The following LIMK2 variants were observed in gnomAD, a reference collection of about 807,000 sequenced individuals.
The protein encoded by LIMK2 is LIM domain kinase 2.
In LIMK2, 35 loss-of-function variants were observed where a neutral mutation model predicts 75.7. The ratio of observed to expected loss-of-function variants is 0.46; its 90% CI spans 0.35 to 0.61. The LOEUF (loss-of-function observed/expected upper bound fraction) is 0.61, where lower values mean the gene tolerates loss of function less well. Ranked by LOEUF, LIMK2 falls within the 20% of genes least tolerant of loss-of-function variation. The pLI is 0.00. For synonymous variants in LIMK2, 301 were observed against 319.2 expected, an observed-to-expected ratio of 0.94 and a Z score of 0.61; for missense variants, 623 against 831.0, an observed-to-expected ratio of 0.75 and a Z score of 3.08.
chr22:31,240,841 A>G (rs548783204), intron 2 of LIMK2, among the ~76,000 whole-genome samples: 2 of 152,306 alleles, frequency 1.3e-5, no homozygotes, highest in East Asian at 1.9e-4. Context: ...GAAAGTCTCT[A>G]CTTAGCCAAG....
In LIMK2 at chr22:31,262,279, T is replaced by C. The variant is rs761645334; in HGVS notation, c.657+40T>C. 1 of 1,457,486 alleles carries C rather than the reference T, an allele frequency of 6.9e-7. No homozygotes were observed. Among genetic ancestry groups the C allele is most frequent in the South Asian group, 1.1e-5 (1 of 88,024 alleles). The allele number at this position is 1,457,486 out of a possible 1,614,324, so 90.3% of individuals were successfully genotyped here. On this transcript the variant is annotated intron_variant, in intron 6 of 15. Transcript: ENST00000331728. The surrounding 1 kb of genome is among the most constrained non-coding windows in gnomAD (Gnocchi z 5.0). ...TAATCTGTCTTGTGAGGGTGGGACA[T>C]GGAACAGATCCTCTGAGAAATCAGG...
At chr22:31,254,176 T>G (rs1337590616) in intron 2 of LIMK2, among the ~76,000 whole-genome samples, 1 of 152,254 alleles carries the variant, frequency 6.6e-6, no homozygotes, top group Non-Finnish European at 1.5e-5. Context: ...TTTGTCTCCC[T>G]GCTCCCTCTC....
chr22:31,214,200 C>T (rs573725977), intron 1 of LIMK2, among the ~76,000 whole-genome samples: 82 of 152,246 alleles, frequency 5.4e-4, no homozygotes, highest in African/African-American at 2.0e-3. Context: ...TGAAAGGTTT[C>T]ACAGTACAAT....
chr22:31,242,901 A>C (rs2048634752), intron 2 of LIMK2, among the ~76,000 whole-genome samples: 1 of 152,210 alleles, frequency 6.6e-6, no homozygotes, highest in South Asian at 2.1e-4. Context: ...TAACCCTGTG[A>C]AGCTGGGAAT....
chr22:31,248,806 T>C, intron 2 of LIMK2: 1 of 1,604,964 alleles, frequency 6.2e-7, no homozygotes, highest in South Asian at 1.1e-5. Context: ...CCATCTCTCC[T>C]GGCCCCTGGT....
intron 1 of LIMK2, among the ~76,000 whole-genome samples, chr22:31,223,019 C>G (rs994227727): frequency 2.0e-5 from 3 of 152,080 alleles, no homozygotes; most frequent in African/African-American, 4.8e-5. Flanking sequence ...AGCCTTTGTT[C>G]CGTGGACACT....
chr22:31,277,598 C>G, intron 15 of LIMK2: 1 of 939,674 alleles, frequency 1.1e-6, no homozygotes, highest in Non-Finnish European at 1.3e-6. Context: ...TCTTGTCATT[C>G]TAAATATCTT....
At position 31,267,081 on chromosome 22, in the gene LIMK2, G is replaced by C. The variant is rs375659224; in HGVS notation, c.1128+11G>C. Reference sequence around the variant, plus strand: ...ACTTTTCTGACTGAGGTAAGAAGATGGAGGGGGCCCGGGAGGTTGGTGTCA... The same window carrying C: ...ACTTTTCTGACTGAGGTAAGAAGATCGAGGGGGCCCGGGAGGTTGGTGTCA... On this transcript the variant is annotated intron_variant, in intron 9 of 15. Coordinates refer to ENST00000331728, the MANE Select transcript of LIMK2 (RefSeq NM_005569.4). The C allele has an allele frequency of 6.5e-7, 1 of 1,548,516 alleles. No individual in the cohort carries two copies. The highest frequency in any genetic ancestry group is 1.4e-5 in the African/African-American group (1 of 73,694).
At chr22:31,236,310 A>AC (rs1369152648) in intron 2 of LIMK2, among the ~76,000 whole-genome samples, 8 of 150,962 alleles carry the variant, frequency 5.3e-5, no homozygotes, top group African/African-American at 2.0e-4. Flanking sequence ...AAAAAAAAAA[A>AC]ACAAACTGGA....
intron 2 of LIMK2, among the ~76,000 whole-genome samples, chr22:31,241,219 C>T (rs1184368663): frequency 6.6e-6 from 1 of 152,214 alleles, no homozygotes; most frequent in Non-Finnish European, 1.5e-5. Flanking sequence ...GTTACACTTT[C>T]AGAAATATTA....
At chr22:31,222,306 G>T (rs1010858414) in intron 1 of LIMK2, among the ~76,000 whole-genome samples, 1 of 149,680 alleles carries the variant, frequency 6.7e-6, no homozygotes, top group African/African-American at 2.5e-5. Context: ...CCCGACCTCA[G>T]GTGATCCACC....
Position 31,262,828 on chromosome 22 carries a change from T to A in LIMK2, c.854+37T>A. 1 of 1,485,466 alleles carries A rather than the reference T, an allele frequency of 6.7e-7. No individual in the cohort carries two copies. The highest frequency in any genetic ancestry group is 9.0e-7 in the Non-Finnish European group (1 of 1,108,166). The allele number at this position is 1,485,466 out of a possible 1,614,324, so 92.0% of individuals were successfully genotyped here. A position where few individuals can be genotyped will look rare whatever the true frequency, so the allele number is the denominator to read the frequency against. ...CACCCTGGCTCTGTTCTGTCCTATG[T>A]CTGTCTCTCGGATGAAGCTGAGCTG... On this transcript the variant is annotated intron_variant, in intron 7 of 15. Transcript: ENST00000331728. This position sits in a 1 kb window ranked among gnomAD's most constrained non-coding sequence, Gnocchi z 5.0.
In LIMK2 at chr22:31,237,260, C is replaced by CA. The variant is rs1349737616; in HGVS notation, c.116+11458dup. On this transcript the variant is annotated intron_variant, in intron 2 of 15. Transcript: ENST00000331728. ...TGGGCGACAGAGCAAGACTCTGTCT[C>CA]AAAAAAAAAAAAAAAAATGGAGGTT... is the stretch of plus-strand genomic sequence containing the variant. 5.5e-3 allele frequency among the ~76,000 whole-genome samples: 341 copies of CA among 61,868 alleles called. 1 individual carries two copies. Among genetic ancestry groups the CA allele is most frequent in the South Asian group, 0.011 (23 of 2,064 alleles). The allele number at this position is 61,868 out of a possible 152,430, so 40.6% of individuals were successfully genotyped here.
At chr22:31,267,325 G>A (rs760172711) in intron 9 of LIMK2, among the ~76,000 whole-genome samples, 1 of 152,180 alleles carries the variant, frequency 6.6e-6, no homozygotes, top group Admixed American at 6.5e-5. Context: ...AGAGCTCTCA[G>A]GTTATGAGGA....
intron 2 of LIMK2, among the ~76,000 whole-genome samples, chr22:31,243,411 CACAA>C (rs1464880145): frequency 4.6e-5 from 7 of 152,240 alleles, no homozygotes; most frequent in African/African-American, 1.7e-4. Flanking sequence ...GAGGGCTTCA[CACAA>C]ACAGTTTCTT....
intron 1 of LIMK2, among the ~76,000 whole-genome samples, chr22:31,218,414 G>C (rs182473750): frequency 6.6e-5 from 10 of 152,346 alleles, no homozygotes; most frequent in Admixed American, 2.0e-4. Flanking sequence ...TGAAAAAGGA[G>C]AGGCCCTTGG....
At chr22:31,256,085 G>A (rs1273631881) in intron 2 of LIMK2, among the ~76,000 whole-genome samples, 3 of 128,288 alleles carry the variant, frequency 2.3e-5, no homozygotes, top group African/African-American at 5.8e-5. Flanking sequence ...CACAACCTCC[G>A]CTTCCCAGGT....
intron 2 of LIMK2, among the ~76,000 whole-genome samples, chr22:31,256,774 C>G (rs1287843837): frequency 6.6e-6 from 1 of 152,148 alleles, no homozygotes; most frequent in Non-Finnish European, 1.5e-5. Flanking sequence ...GATCAAGATT[C>G]AAACCAAGCA....
At chr22:31,243,453 T>G (rs2048640661) in intron 2 of LIMK2, among the ~76,000 whole-genome samples, 1 of 152,198 alleles carries the variant, frequency 6.6e-6, no homozygotes, top group Non-Finnish European at 1.5e-5. Context: ...ACCAGAGCTT[T>G]CTTCCGACAA....
Sources: gnomAD v4.1 joint callset for allele counts (sites outside exome capture counted in the v4.1 genomes callset) on GRCh38, gnomAD v4.1.1 for gene constraint, Gnocchi (gnomAD v3.1) non-coding constraint, MANE v1.5 for transcripts, NCBI Gene and HGNC (gene_info 2026-07-23, HGNC 2026-07-21) for gene names.